C11orf54: variants seen among roughly 807,000 people sequenced by gnomAD.
C11orf54 encodes beta-keto-L-gulonate decarboxylase, also known as beta-keto L-gulonate decarboxylase.
A neutral mutation model predicts 35.5 loss-of-function variants in C11orf54; 29 were observed. The ratio of observed to expected loss-of-function variants is 0.82; its 90% CI spans 0.61 to 1.11. The LOEUF is 1.11. C11orf54 is among the 50% of genes most tolerant of loss of function. The pLI is 0.00. For synonymous variants in C11orf54, 108 were observed against 121.1 expected, an observed-to-expected ratio of 0.89 and a Z score of 0.71; for missense variants, 373 against 369.2, an observed-to-expected ratio of 1.01 and a Z score of -0.08.
intron 6 of C11orf54, among the ~76,000 whole-genome samples, chr11:93,756,056 A>G (rs764294110): frequency 6.7e-6 from 1 of 148,990 alleles, no homozygotes; most frequent in Non-Finnish European, 1.5e-5. Context: ...AGTCCCAGCT[A>G]CTTGGGAGGC....
chr11:93,744,302 C>G (rs1178911771), intron 1 of C11orf54, among the ~76,000 whole-genome samples: 3 of 152,184 alleles, frequency 2.0e-5, no homozygotes, highest in African/African-American at 7.2e-5. Context: ...TACATCCTCC[C>G]AAGATTGGAC....
intron 8 of C11orf54, 140 bp downstream of exon 8, chr11:93,759,998 G>A: frequency 1.9e-6 from 1 of 535,056 alleles, no homozygotes; most frequent in Non-Finnish European, 3.2e-6. Context: ...CCAGGCTAGA[G>A]TGCAATGGCA....
At chr11:93,758,213 G>C (rs1483085424) in intron 7 of C11orf54, among the ~76,000 whole-genome samples, 1 of 152,216 alleles carries the variant, frequency 6.6e-6, no homozygotes, top group African/African-American at 2.4e-5. Flanking sequence ...GCGGGTGGGA[G>C]CTGAAGACAG....
chr11:93,761,411 C>T, intron 8 of C11orf54, 104 bp from the exon 9 acceptor site: 4 of 1,041,212 alleles, frequency 3.8e-6, no homozygotes, highest in South Asian at 3.4e-5. Context: ...GAATGTATTA[C>T]CTATTTAAAA....
intron 3 of C11orf54, 129 bp from the exon 4 acceptor site, chr11:93,753,553 T>C: frequency 2.6e-6 from 2 of 758,466 alleles, no homozygotes; most frequent in Non-Finnish European, 4.3e-6. Context: ...CACTATGTCT[T>C]CCAATCCCTG....
rs1197459441 is a variant in C11orf54 at position 93,762,922 on chromosome 11, T to C, written c.*1234T>C. ...CTCTCTAATGGTGCTAATGGCAATCTAGCTAATGTGCAAATTTAGGAAGTC... is the reference window on the plus strand; with the variant it reads ...CTCTCTAATGGTGCTAATGGCAATCCAGCTAATGTGCAAATTTAGGAAGTC... On this transcript the variant is annotated 3_prime_UTR_variant, in exon 9 of 9. Transcript: ENST00000354421. The C allele has an allele frequency of 6.6e-6, 1 of 152,254 alleles. No individual in the cohort carries two copies. The highest frequency in any genetic ancestry group is 1.5e-5 in the Non-Finnish European group (1 of 68,048). 9.4% of individuals were successfully genotyped at this position (152,254 alleles called of 1,614,324 possible).
chr11:93,743,646 G>T (rs947688827), intron 1 of C11orf54, among the ~76,000 whole-genome samples: 2 of 152,218 alleles, frequency 1.3e-5, no homozygotes, highest in Admixed American at 6.5e-5. Flanking sequence ...GTGTCTAGGG[G>T]ATGCCCGCGA....
At chr11:93,751,958 T>C (rs1013658855) in intron 3 of C11orf54, among the ~76,000 whole-genome samples, 2 of 149,514 alleles carry the variant, frequency 1.3e-5, no homozygotes, top group Non-Finnish European at 3.0e-5. Context: ...GCGATTCTCA[T>C]ACCTCACCCT....
chr11:93,753,747 C>CA lies in C11orf54; in HGVS notation c.228dup (p.Val77SerfsTer3), dbSNP rs750918140. ...GCCTTACTTATTGCCTCTTGTAAAC[C>CA]AAAAAAAAGTAAGTACTTTTACTCT... On this transcript the variant is annotated frameshift_variant, in exon 4 of 9. Transcript: ENST00000354421. LOFTEE classifies it high-confidence loss of function. The CA allele has an allele frequency of 8.1e-6, 13 of 1,604,770 alleles. No homozygotes were observed. Among genetic ancestry groups the CA allele is most frequent in the African/African-American group, 5.4e-5 (4 of 74,012 alleles).
chr11:93,744,358 C>A (rs1047332488), intron 1 of C11orf54, among the ~76,000 whole-genome samples: 2 of 152,128 alleles, frequency 1.3e-5, no homozygotes, highest in Non-Finnish European at 2.9e-5. Flanking sequence ...AAACAACTGA[C>A]CTAACTTTTT....
intron 2 of C11orf54, among the ~76,000 whole-genome samples, chr11:93,748,592 T>A (rs1942612256): frequency 6.6e-6 from 1 of 152,140 alleles, no homozygotes; most frequent in Non-Finnish European, 1.5e-5. Flanking sequence ...TCTCAATACT[T>A]TAGGAGGCCA....
In C11orf54 at chr11:93,757,850, T is replaced by C. The variant is rs555375368; in HGVS notation, c.657+385T>C. On this transcript the variant is annotated intron_variant, in intron 7 of 8. Transcript: ENST00000354421. ...GGCCAGATCTTAGGATTGTAAAGTATGTGTTGGGAATTCTACATTTGAAGA... is the reference window on the plus strand; with the variant it reads ...GGCCAGATCTTAGGATTGTAAAGTACGTGTTGGGAATTCTACATTTGAAGA... Among the ~76,000 whole-genome samples, 160 of 152,332 alleles carry C rather than the reference T, an allele frequency of 1.1e-3. 3 individuals carry two copies. Among genetic ancestry groups the C allele is most frequent in the Middle Eastern group, 6.8e-3 (2 of 294 alleles).
In C11orf54 at chr11:93,762,694, T is replaced by G. The variant is rs1943531098; in HGVS notation, c.*1006T>G. On this transcript the variant is annotated 3_prime_UTR_variant, in exon 9 of 9. Coordinates refer to ENST00000354421, the MANE Select transcript of C11orf54 (RefSeq NM_001286069.2). ...ATTCCTCCCTTGTTTCGATTGCCAG[T>G]TAGAAGCAATTTTTATTTCACTGGT... is the stretch of plus-strand genomic sequence containing the variant. 6.6e-6 allele frequency: 1 copy of G among 152,206 alleles called. No individual in the cohort carries two copies. Among genetic ancestry groups the G allele is most frequent in the African/African-American group, 2.4e-5 (1 of 41,436 alleles). 9.4% of individuals were successfully genotyped at this position (152,206 alleles called of 1,614,324 possible).
chr11:93,759,980 CTT>C, intron 8 of C11orf54, 122 bp downstream of exon 8: 1 of 620,588 alleles, frequency 1.6e-6, no homozygotes, highest in East Asian at 2.9e-5. Flanking sequence ...GAGTTTCACT[CTT>C]GTTGCCCAGG....
chr11:93,744,741 G>C (rs1182518033), intron 1 of C11orf54, among the ~76,000 whole-genome samples: 1 of 152,252 alleles, frequency 6.6e-6, no homozygotes, highest in African/African-American at 2.4e-5. Context: ...TTCTCGTCAA[G>C]TGGGAAGAGA....
At chr11:93,752,818 G>A (rs1328951941) in intron 3 of C11orf54, among the ~76,000 whole-genome samples, 5 of 142,828 alleles carry the variant, frequency 3.5e-5, no homozygotes, top group Non-Finnish European at 7.5e-5. Context: ...GCGCGATCTC[G>A]GCTCACTGCC....
At chr11:93,750,797 G>A (rs1242523974) in intron 3 of C11orf54, among the ~76,000 whole-genome samples, 3 of 152,196 alleles carry the variant, frequency 2.0e-5, no homozygotes. Context: ...GACCAGAAGG[G>A]ATCCTAAAAG....
intron 2 of C11orf54, 115 bp downstream of exon 2, chr11:93,747,563 T>TCTTACTTAC: frequency 1.7e-6 from 1 of 596,312 alleles, no homozygotes; most frequent in Non-Finnish European, 2.6e-6. Context: ...ATCTTACTTA[T>TCTTACTTAC]CAAAATAATA....
At chr11:93,744,128 ATT>A (rs1394563993) in intron 1 of C11orf54, among the ~76,000 whole-genome samples, 1 of 152,140 alleles carries the variant, frequency 6.6e-6, no homozygotes. Context: ...AACTCATTTG[ATT>A]TTTTTGTCTA....
Sources: gnomAD v4.1 joint callset for allele counts (sites outside exome capture counted in the v4.1 genomes callset) on GRCh38, gnomAD v4.1.1 for gene constraint, MANE v1.5 for transcripts, NCBI Gene and HGNC (gene_info 2026-07-23, HGNC 2026-07-21) for gene names.